The following MELK variants were observed in gnomAD, a reference collection of about 807,000 sequenced individuals.
MELK encodes maternal embryonic leucine zipper kinase, also known as pEg3 kinase.
MELK carries 81 observed loss-of-function variants against 85.0 expected under a neutral mutation model. That is an observed-to-expected ratio of 0.95 (90% CI 0.80 to 1.15). MELK has a LOEUF of 1.15. MELK is among the 50% of genes most tolerant of loss of function. The pLI is 0.00. For synonymous variants in MELK, 252 were observed against 265.0 expected (o/e 0.95, Z 0.48); for missense variants, 754 against 777.5 (o/e 0.97, Z 0.36).
At chr9:36,628,248 A>T (rs866863392) in intron 8 of MELK, among the ~76,000 whole-genome samples, 3 of 152,050 alleles carry the variant, frequency 2.0e-5, no homozygotes, top group African/African-American at 7.2e-5. Flanking sequence ...AGCCTCATGT[A>T]TGGCCAACTG....
chr9:36,577,915 A>G (rs1340755471), intron 1 of MELK, among the ~76,000 whole-genome samples: 2 of 151,986 alleles, frequency 1.3e-5, no homozygotes, highest in Non-Finnish European at 2.9e-5. Context: ...AGCCTCCCAA[A>G]GTGCCGGGAT....
At chr9:36,636,818 TTCTG>T (rs1564191272) in intron 10 of MELK, among the ~76,000 whole-genome samples, 4 of 132,870 alleles carry the variant, frequency 3.0e-5, no homozygotes, top group Non-Finnish European at 6.3e-5. Flanking sequence ...CTTTCTTTCT[TTCTG>T]TCTTTCTTGT....
intron 2 of MELK, among the ~76,000 whole-genome samples, chr9:36,582,907 A>G (rs1206606831): frequency 3.3e-5 from 5 of 152,046 alleles, no homozygotes; most frequent in Admixed American, 2.6e-4. Flanking sequence ...GATTTCTTTT[A>G]GCTGCCTGAG....
At chr9:36,668,679 A>AT (rs199604778) in intron 14 of MELK, among the ~76,000 whole-genome samples, 1,707 of 152,028 alleles carry the variant, frequency 0.011, 17 homozygotes, top group Non-Finnish European at 0.018. Flanking sequence ...CGCCCAGCTA[A>AT]TTTTTTTGTA....
intron 8 of MELK, among the ~76,000 whole-genome samples, chr9:36,613,812 T>TGAG (rs749342195): frequency 2.0e-5 from 3 of 151,976 alleles, no homozygotes; most frequent in Non-Finnish European, 2.9e-5. Context: ...GTTTAGCAAG[T>TGAG]GAGGAGGGCA....
Position 36,630,334 on chromosome 9 carries a change from C to T in MELK, c.702C>T (p.Pro234=), listed in dbSNP as rs1401142790. 1.2e-6 allele frequency: 2 copies of T among 1,611,358 alleles called. No individual in the cohort carries two copies. The highest frequency in any genetic ancestry group is 1.1e-5 in the South Asian group (1 of 90,974). The change falls in exon 9 of 18, where the codon CCC becomes CCT. Residue 234 remains proline, a synonymous_variant. Coordinates refer to ENST00000298048, the MANE Select transcript of MELK (RefSeq NM_014791.4). The stretch of plus-strand genomic sequence containing the variant: ...ATGATGTTCCCAAGTGGCTCTCTCC[C>T]AGTAGCATTCTGCTTCTTCAACAAA... ...GKYDVPKWLS[P]SSILLLQQML... is the part of the protein sequence containing the mutation.
chr9:36,650,811 G>A (rs1021304675), intron 11 of MELK, among the ~76,000 whole-genome samples: 6 of 152,184 alleles, frequency 3.9e-5, no homozygotes, highest in African/African-American at 7.2e-5. Flanking sequence ...CTGAGAAGCC[G>A]GTCCAGAGTG....
intron 8 of MELK, among the ~76,000 whole-genome samples, chr9:36,615,417 G>C (rs1430240752): frequency 7.2e-6 from 1 of 139,500 alleles, no homozygotes; most frequent in East Asian, 2.3e-4. Context: ...CTCCCTCCCG[G>C]ACGGCACGGC....
At chr9:36,592,669 C>A (rs993000456) in intron 4 of MELK, among the ~76,000 whole-genome samples, 51 of 152,086 alleles carry the variant, frequency 3.4e-4, no homozygotes, top group African/African-American at 1.2e-3. Context: ...ATCTTAGAGA[C>A]CATCTGAGCA....
At chr9:36,658,994 G>T (rs540746106) in intron 13 of MELK, among the ~76,000 whole-genome samples, 2 of 150,584 alleles carry the variant, frequency 1.3e-5, no homozygotes, top group African/African-American at 4.9e-5. Context: ...CCATTCTCCT[G>T]CCTCAGCTTC....
At chr9:36,615,908 C>T (rs1826701649) in intron 8 of MELK, among the ~76,000 whole-genome samples, 2 of 149,378 alleles carry the variant, frequency 1.3e-5, no homozygotes, top group Admixed American at 1.3e-4. Context: ...ACATCCCAGA[C>T]GATGGGCAGC....
Position 36,599,440 on chromosome 9 carries a change from A to T in MELK, c.521A>T (p.Tyr174Phe). The T allele has an allele frequency of 6.2e-7, 1 of 1,612,464 alleles. No individual in the cohort carries two copies. Among genetic ancestry groups the T allele is most frequent in the Non-Finnish European group, 8.5e-7 (1 of 1,178,946 alleles). ...CAGACATGCTGTGGGAGTCTGGCTT[A>T]TGCAGCACCTGAGTTAATACAAGGC... ...HLQTCCGSLAYAAPELIQGKS... is the reference protein window; with the variant it reads ...HLQTCCGSLAFAAPELIQGKS... The change falls in exon 7 of 18, where the codon TAT (tyrosine) becomes TTT (phenylalanine). Residue 174 changes from tyrosine (Y) to phenylalanine (F), a missense_variant. Physicochemically the swap from Tyr to Phe is conservative, Grantham distance 22. Transcript: ENST00000298048.
chr9:36,662,841 AGTTTCACTGTTAGGGCTACTGCG>A (rs1831988260), intron 13 of MELK, among the ~76,000 whole-genome samples: 1 of 151,830 alleles, frequency 6.6e-6, no homozygotes, highest in Admixed American at 6.6e-5. Context: ...GGTGTTCTGC[AGTTTCACTGTTAGGGCTACTGCG>A]TTGCACACCT....
intron 10 of MELK, among the ~76,000 whole-genome samples, chr9:36,636,646 C>T (rs1011968586): frequency 2.0e-5 from 3 of 152,138 alleles, no homozygotes; most frequent in Non-Finnish European, 2.9e-5. Context: ...CTGAATGGTC[C>T]AAGCCTCACT....
At chr9:36,644,209 TTGTG>T (rs55796800) in intron 11 of MELK, among the ~76,000 whole-genome samples, 18,760 of 145,180 alleles carry the variant, frequency 0.13, 1,206 homozygotes, top group South Asian at 0.17. Flanking sequence ...TACCTGTGTT[TTGTG>T]TGTGTGTGTG....
chr9:36,614,435 T>G (rs7019711), intron 8 of MELK, among the ~76,000 whole-genome samples: 5 of 126,762 alleles, frequency 3.9e-5, no homozygotes, highest in South Asian at 2.6e-4. Flanking sequence ...GTTTTTTTTT[T>G]TTTTTTTTAA....
intron 11 of MELK, among the ~76,000 whole-genome samples, chr9:36,646,791 C>T (rs559409293): frequency 2.6e-5 from 4 of 152,346 alleles, no homozygotes; most frequent in Admixed American, 1.3e-4. Context: ...GGCCACTCCT[C>T]CGTGTCTGTG....
intron 7 of MELK, among the ~76,000 whole-genome samples, chr9:36,600,093 T>C (rs150949439): frequency 7.0e-6 from 1 of 142,146 alleles, no homozygotes; most frequent in Non-Finnish European, 1.5e-5. Flanking sequence ...TTTTTTGTTT[T>C]GTTTTGTTTT....
intron 4 of MELK, among the ~76,000 whole-genome samples, chr9:36,591,168 C>T (rs1383101525): frequency 6.6e-6 from 1 of 152,160 alleles, no homozygotes; most frequent in Non-Finnish European, 1.5e-5. Flanking sequence ...CATTGTATTA[C>T]TACACTGTAG....
Sources: allele counts gnomAD v4.1 joint callset (sites outside exome capture counted in the v4.1 genomes callset), GRCh38; gene constraint gnomAD v4.1.1; transcripts MANE v1.5; gene names NCBI Gene and HGNC (gene_info 2026-07-23, HGNC 2026-07-21).